The following OR7D4 variants were observed in gnomAD, a reference collection of about 807,000 sequenced individuals.
OR7D4 encodes the protein olfactory receptor 7D4.
For missense variants in OR7D4, 319 were observed against 377.1 expected, an observed-to-expected ratio of 0.85 and a Z score of 1.27; for synonymous variants, 154 against 158.4, an observed-to-expected ratio of 0.97 and a Z score of 0.21.
At position 9,214,560 on chromosome 19, in the gene OR7D4, G is replaced by A. The variant is rs1462024302; in HGVS notation, c.278C>T (p.Ser93Phe). 2 of 1,614,062 alleles carry A rather than the reference G, an allele frequency of 1.2e-6. No individual in the cohort carries two copies. The highest frequency in any genetic ancestry group is 3.3e-5 in the Admixed American group (2 of 60,000). ...VSIQARSKDI[S>F]YMGCLTQVYF... Reference sequence around the variant, plus strand: ...CACCTGAGTGAGGCACCCCATGTAGGAGATGTCTTTGCTCCGTGCCTGGAT... The same window carrying A: ...CACCTGAGTGAGGCACCCCATGTAGAAGATGTCTTTGCTCCGTGCCTGGAT... Residue 93 changes from serine to phenylalanine, a missense_variant, in exon 2 of 2, where the codon TCC becomes TTC. Ser to Phe is a radical substitution (Grantham distance 155, BLOSUM62 -2). Coordinates refer to ENST00000641669, the MANE Select transcript of OR7D4 (RefSeq NM_001005191.3).
chr19:9,215,998 C>A (rs1474114217), intron 1 of OR7D4, among the ~76,000 whole-genome samples: 1 of 152,102 alleles, frequency 6.6e-6, no homozygotes, highest in East Asian at 1.9e-4. Flanking sequence ...AGGAGCAAGT[C>A]ACATCTTACA....
rs2051181084 is a variant in OR7D4 at position 9,212,779 on chromosome 19, G to T, written c.*1120C>A. On this transcript the variant is annotated 3_prime_UTR_variant, in exon 2 of 2. Coordinates refer to ENST00000641669, the MANE Select transcript of OR7D4 (RefSeq NM_001005191.3). ...GTGTTTGTTTTTGGTTTGAGACAGGGTCTTGCTCTGTCACCCAGGCTGGAT... is the reference window on the plus strand; with the variant it reads ...GTGTTTGTTTTTGGTTTGAGACAGGTTCTTGCTCTGTCACCCAGGCTGGAT... 2 of 152,234 alleles carry T rather than the reference G, an allele frequency of 1.3e-5. No homozygotes were observed. Among genetic ancestry groups the T allele is most frequent in the Middle Eastern group, 3.4e-3 (1 of 296 alleles). The allele number at this position is 152,234 out of a possible 1,614,324, so 9.4% of individuals were successfully genotyped here. A position where few individuals can be genotyped will look rare whatever the true frequency, so the allele number is the denominator to read the frequency against.
chr19:9,213,631 G>A lies in OR7D4; in HGVS notation c.*268C>T. 2.6e-6 allele frequency: 1 copy of A among 391,688 alleles called. No individual in the cohort carries two copies. Among genetic ancestry groups the A allele is most frequent in the South Asian group, 2.8e-5 (1 of 35,564 alleles). 24.3% of individuals were successfully genotyped at this position (391,688 alleles called of 1,614,324 possible). ...CACACACCTGTAATCTCAGCTACTTGAGAGGCTGAGGCAGGAGAACCGCTT... is the reference window on the plus strand; with the variant it reads ...CACACACCTGTAATCTCAGCTACTTAAGAGGCTGAGGCAGGAGAACCGCTT... On this transcript the variant is annotated 3_prime_UTR_variant, in exon 2 of 2. Coordinates refer to ENST00000641669, the MANE Select transcript of OR7D4 (RefSeq NM_001005191.3).
Position 9,211,858 on chromosome 19 carries a change from T to C in OR7D4, c.*2041A>G, listed in dbSNP as rs1326074703. 6.6e-6 allele frequency: 1 copy of C among 151,048 alleles called. No homozygotes were observed. The highest frequency in any genetic ancestry group is 1.5e-5 in the Non-Finnish European group (1 of 67,860). 9.4% of individuals were successfully genotyped at this position (151,048 alleles called of 1,614,324 possible). A position where few individuals can be genotyped will look rare whatever the true frequency, so the allele number is the denominator to read the frequency against. On this transcript the variant is annotated 3_prime_UTR_variant, in exon 2 of 2. Transcript: ENST00000641669. ...TTCTTTATTTACATGGTTCATTCAA[T>C]GGATTTGCAGATATGACTCCCATTT... is the stretch of plus-strand genomic sequence containing the variant.
At chr19:9,218,380 G>A (rs577303335) in intron 1 of OR7D4, among the ~76,000 whole-genome samples, 2 of 152,220 alleles carry the variant, frequency 1.3e-5, no homozygotes, top group South Asian at 4.2e-4. Flanking sequence ...ACAAAAACAG[G>A]TCAGTAAAGA....
chr19:9,214,313 C>G lies in OR7D4; in HGVS notation c.525G>C (p.Pro175=), dbSNP rs111293642. 4.3e-6 allele frequency: 7 copies of G among 1,614,100 alleles called. No homozygotes were observed. Among genetic ancestry groups the G allele is most frequent in the African/African-American group, 1.3e-5 (1 of 75,014 alleles). ...RLTFSTGTEI[P]HFFCEPAQVL... is the part of the protein sequence containing the mutation. ...CCTGAGCCGGTTCACAGAAGAAATG[C>G]GGAATCTCAGTGCCTGTGGAGAAGG... Residue 175 remains proline (P), a synonymous_variant, in exon 2 of 2, where the codon CCG becomes CCC. Transcript: ENST00000641669.
In OR7D4 at chr19:9,210,998, T is replaced by C. The variant is rs1165471546; in HGVS notation, c.*2901A>G. On this transcript the variant is annotated 3_prime_UTR_variant, in exon 2 of 2. Coordinates refer to ENST00000641669, the MANE Select transcript of OR7D4 (RefSeq NM_001005191.3). ...CTACAGCATGGAATTTTTCTGACAG[T>C]ACAATGTCTTGAATGGTGAGGAACT... The C allele has an allele frequency of 2.0e-5, 3 of 152,256 alleles. No homozygotes were observed. The East Asian group carries it at 5.8e-4, about 29-fold the overall frequency. 9.4% of individuals were successfully genotyped at this position (152,256 alleles called of 1,614,324 possible). A position where few individuals can be genotyped will look rare whatever the true frequency, so the allele number is the denominator to read the frequency against.
intron 1 of OR7D4, among the ~76,000 whole-genome samples, chr19:9,215,575 C>A (rs1411027719): frequency 6.6e-6 from 1 of 152,036 alleles, no homozygotes; most frequent in East Asian, 1.9e-4. Context: ...TTCTGTGACC[C>A]AGTGCTTGGA....
At chr19:9,218,925 C>T (rs553512036) in intron 1 of OR7D4, among the ~76,000 whole-genome samples, 65 of 151,634 alleles carry the variant, frequency 4.3e-4, no homozygotes, top group African/African-American at 1.4e-3. Context: ...TGAGCCACTA[C>T]GTTCAGCCAA....
At position 9,213,985 on chromosome 19, in the gene OR7D4, G is replaced by C. The variant is rs752312677; in HGVS notation, c.853C>G (p.Leu285Val). 5.0e-6 allele frequency: 8 copies of C among 1,614,130 alleles called. No individual in the cohort carries two copies. In the Admixed American group the frequency reaches 1.0e-4, roughly 20 times the overall value. ...SVMYAMVTPM[L>V]NPFIYSLRNK... Reference sequence around the variant, plus strand: ...CTCAGGCTGTAGATGAAGGGGTTCAGCATGGGGGTGACCATGGCGTACATC... The same window carrying C: ...CTCAGGCTGTAGATGAAGGGGTTCACCATGGGGGTGACCATGGCGTACATC... The change falls in exon 2 of 2, where the codon CTG becomes GTG. Residue 285 changes from leucine to valine, a missense_variant. Leu to Val is a conservative substitution (Grantham distance 32). Coordinates refer to ENST00000641669, the MANE Select transcript of OR7D4 (RefSeq NM_001005191.3).
chr19:9,214,229 C>T lies in OR7D4; in HGVS notation c.609G>A (p.Thr203=), dbSNP rs1276810855. ...LLNNIVLYVA[T]ALLGVFPVAG... ...CTACAGGAAACACACCCAGCAGTGC[C>T]GTGGCCACATACAAGACAATGTTAT... The change falls in exon 2 of 2, where the codon ACG becomes ACA. Residue 203 remains threonine (T), a synonymous_variant. Coordinates refer to ENST00000641669, the MANE Select transcript of OR7D4 (RefSeq NM_001005191.3). 6.2e-6 allele frequency: 10 copies of T among 1,614,136 alleles called. No homozygotes were observed. The highest frequency in any genetic ancestry group is 1.1e-5 in the South Asian group (1 of 91,066).
Position 9,214,205 on chromosome 19 carries a change from T to C in OR7D4, c.633A>G (p.Val211=). ...VATALLGVFP[V]AGILFSYSQI... is the part of the protein sequence containing the mutation. ...GAGAGTAGGAGAAGAGGATCCCAGCTACAGGAAACACACCCAGCAGTGCCG... is the reference window on the plus strand; with the variant it reads ...GAGAGTAGGAGAAGAGGATCCCAGCCACAGGAAACACACCCAGCAGTGCCG... Residue 211 remains valine, a synonymous_variant, in exon 2 of 2, where the codon GTA becomes GTG. Transcript: ENST00000641669. 1 of 1,614,108 alleles carries C rather than the reference T, an allele frequency of 6.2e-7. No homozygotes were observed. The highest frequency in any genetic ancestry group is 8.5e-7 in the Non-Finnish European group (1 of 1,180,024).
chr19:9,214,163 T>C lies in OR7D4; in HGVS notation c.675A>G (p.Leu225=). ...LFSYSQIVSS[L]MGMSSTKGKY... is the part of the protein sequence containing the mutation. ...TGCCCTTGGTGGAGGACATTCCCAT[T>C]AAGGAGGAGACAATCTGAGAGTAGG... Residue 225 remains leucine, a synonymous_variant, in exon 2 of 2, where the codon TTA becomes TTG. Transcript: ENST00000641669. 1 of 1,614,038 alleles carries C rather than the reference T, an allele frequency of 6.2e-7. No individual in the cohort carries two copies. Among genetic ancestry groups the C allele is most frequent in the Non-Finnish European group, 8.5e-7 (1 of 1,179,970 alleles).
At position 9,210,293 on chromosome 19, in the gene OR7D4, A is replaced by G. The variant is rs1230656272; in HGVS notation, c.*3606T>C. ...TACCTCACCTCTGAGCCATGGGTGG[A>G]ATGTGAAAGTTTATAAAGAACCATA... On this transcript the variant is annotated 3_prime_UTR_variant, in exon 2 of 2. Transcript: ENST00000641669. 6.6e-6 allele frequency: 1 copy of G among 152,062 alleles called. No individual in the cohort carries two copies. The highest frequency in any genetic ancestry group is 1.5e-5 in the Non-Finnish European group (1 of 68,030). 9.4% of individuals were successfully genotyped at this position (152,062 alleles called of 1,614,324 possible).
chr19:9,213,696 C>T lies in OR7D4; in HGVS notation c.*203G>A. On this transcript the variant is annotated 3_prime_UTR_variant, in exon 2 of 2. Transcript: ENST00000641669. ...GAGGTTGCAGTGAGCCAAGATTGCA[C>T]CACTGCACTCTAGCCTGGGCGACAG... 1.8e-6 allele frequency: 1 copy of T among 556,106 alleles called. No individual in the cohort carries two copies. The highest frequency in any genetic ancestry group is 2.1e-5 in the South Asian group (1 of 46,654). The allele number at this position is 556,106 out of a possible 1,614,324, so 34.4% of individuals were successfully genotyped here.
chr19:9,211,845 A>G lies in OR7D4; in HGVS notation c.*2054T>C, dbSNP rs1173782364. ...GAAGGCCTGCTTCTTCTTTATTTACATGGTTCATTCAATGGATTTGCAGAT... is the reference window on the plus strand; with the variant it reads ...GAAGGCCTGCTTCTTCTTTATTTACGTGGTTCATTCAATGGATTTGCAGAT... On this transcript the variant is annotated 3_prime_UTR_variant, in exon 2 of 2. Coordinates refer to ENST00000641669, the MANE Select transcript of OR7D4 (RefSeq NM_001005191.3). 1 of 150,472 alleles carries G rather than the reference A, an allele frequency of 6.6e-6. No individual in the cohort carries two copies. Among genetic ancestry groups the G allele is most frequent in the Admixed American group, 6.6e-5 (1 of 15,084 alleles). The allele number at this position is 150,472 out of a possible 1,614,324, so 9.3% of individuals were successfully genotyped here. A position where few individuals can be genotyped will look rare whatever the true frequency, so the allele number is the denominator to read the frequency against.
At chr19:9,216,506 G>A (rs1386757903) in intron 1 of OR7D4, among the ~76,000 whole-genome samples, 1 of 152,104 alleles carries the variant, frequency 6.6e-6, no homozygotes, top group African/African-American at 2.4e-5. Context: ...ATATTGAAGA[G>A]TGAAATTAAA....
At chr19:9,216,411 A>G (rs1287093125) in intron 1 of OR7D4, among the ~76,000 whole-genome samples, 1 of 152,168 alleles carries the variant, frequency 6.6e-6, no homozygotes, top group Non-Finnish European at 1.5e-5. Flanking sequence ...TTACTACTGT[A>G]TACCATAGAG....
Position 9,214,580 on chromosome 19 carries a change from C to CTGGA in OR7D4, c.254_257dup (p.Gln86HisfsTer37). ...TGTAGGAGATGTCTTTGCTCCGTGCCTGGATGCTCACTAGCATCTTGGGGA... is the reference window on the plus strand; with the variant it reads ...TGTAGGAGATGTCTTTGCTCCGTGCCTGGATGGATGCTCACTAGCATCTTGGGGA... On this transcript the variant is annotated frameshift_variant, in exon 2 of 2. Coordinates refer to ENST00000641669, the MANE Select transcript of OR7D4 (RefSeq NM_001005191.3). LOFTEE classifies it low-confidence loss of function (END_TRUNC). 1 of 1,614,138 alleles carries CTGGA rather than the reference C, an allele frequency of 6.2e-7. No homozygotes were observed. Among genetic ancestry groups the CTGGA allele is most frequent in the Non-Finnish European group, 8.5e-7 (1 of 1,180,010 alleles).
Sources: gnomAD v4.1 joint callset for allele counts (sites outside exome capture counted in the v4.1 genomes callset) on GRCh38, gnomAD v4.1.1 for gene constraint, MANE v1.5 for transcripts, NCBI Gene and HGNC (gene_info 2026-07-23, HGNC 2026-07-21) for gene names.